The following DCDC2C variants were observed in gnomAD, a reference collection of about 807,000 sequenced individuals.
The protein encoded by DCDC2C is doublecortin domain-containing protein 2C.
DCDC2C carries 44 observed loss-of-function variants against 45.0 expected under a neutral mutation model. The observed-to-expected ratio is 0.98, with a 90% CI of 0.77 to 1.26. DCDC2C has a LOEUF of 1.26. DCDC2C is among the 50% of genes most tolerant of loss of function. DCDC2C has a pLI of 0.00. For missense variants in DCDC2C, 447 were observed against 468.9 expected, an observed-to-expected ratio of 0.95 and a Z score of 0.43; for synonymous variants, 187 against 178.8, an observed-to-expected ratio of 1.05 and a Z score of -0.37.
At chr2:3,776,093 C>T (rs1283631908) in intron 8 of DCDC2C, among the ~76,000 whole-genome samples, 10 of 152,346 alleles carry the variant, frequency 6.6e-5, no homozygotes, top group Middle Eastern at 3.4e-3. Flanking sequence ...CATATATCCC[C>T]TCCTTCCAGA....
At chr2:3,747,208 C>T (rs1669396232) in intron 4 of DCDC2C, among the ~76,000 whole-genome samples, 1 of 152,232 alleles carries the variant, frequency 6.6e-6, no homozygotes, top group Non-Finnish European at 1.5e-5. Context: ...GGCCCCGGCC[C>T]CTCTGAGGCA....
chr2:3,738,115 G>T (rs968677160), intron 3 of DCDC2C, among the ~76,000 whole-genome samples: 37 of 152,090 alleles, frequency 2.4e-4, no homozygotes, highest in African/African-American at 8.5e-4. Context: ...CTGCTAATTT[G>T]TTAGAAAAAT....
At chr2:3,803,896 G>A (rs992673562) in intron 10 of DCDC2C, among the ~76,000 whole-genome samples, 4 of 152,208 alleles carry the variant, frequency 2.6e-5, no homozygotes, top group African/African-American at 9.7e-5. Context: ...TTGCATGCAG[G>A]TGACTCTTCC....
intron 10 of DCDC2C, among the ~76,000 whole-genome samples, chr2:3,837,613 A>G (rs1360162768): frequency 2.0e-5 from 2 of 101,892 alleles, no homozygotes; most frequent in African/African-American, 6.5e-5. Flanking sequence ...AAAGGGGAAG[A>G]AACTGAGGAA....
intron 8 of DCDC2C, among the ~76,000 whole-genome samples, chr2:3,774,374 G>A (rs924819155): frequency 1.3e-5 from 2 of 152,256 alleles, no homozygotes; most frequent in Non-Finnish European, 2.9e-5. Context: ...AAGGACTCGA[G>A]CCTTCCGTGT....
intron 2 of DCDC2C, among the ~76,000 whole-genome samples, chr2:3,714,221 A>G (rs1433456446): frequency 1.3e-5 from 2 of 152,244 alleles, no homozygotes; most frequent in Non-Finnish European, 2.9e-5. Context: ...ATATTGTAAT[A>G]GAAATGATTT....
At chr2:3,833,280 C>T (rs1486093858) in intron 10 of DCDC2C, among the ~76,000 whole-genome samples, 1 of 152,190 alleles carries the variant, frequency 6.6e-6, no homozygotes, top group East Asian at 1.9e-4. Context: ...ACCTGATTCC[C>T]CTTTGCCATG....
At chr2:3,714,468 A>C (rs1443907343) in intron 2 of DCDC2C, among the ~76,000 whole-genome samples, 1 of 149,244 alleles carries the variant, frequency 6.7e-6, no homozygotes, top group East Asian at 2.0e-4. Flanking sequence ...TTTGCTAGGA[A>C]CAGATGAATC....
At chr2:3,828,871 G>A (rs892193411) in intron 10 of DCDC2C, among the ~76,000 whole-genome samples, 1 of 152,202 alleles carries the variant, frequency 6.6e-6, no homozygotes. Context: ...AGTCCTTGAA[G>A]TTTAATTCAA....
chr2:3,707,973 A>G (rs375970810), intron 1 of DCDC2C, among the ~76,000 whole-genome samples: 1 of 152,208 alleles, frequency 6.6e-6, no homozygotes, highest in Non-Finnish European at 1.5e-5. Context: ...ACCCATGAAA[A>G]CATTTTATTT....
Position 3,703,607 on chromosome 2 carries a change from CGTCCCCGTCCCGTCCCCGTCCT to C in DCDC2C, c.-143_-122del. 1.3e-6 allele frequency: 1 copy of C among 785,574 alleles called. No homozygotes were observed. The highest frequency in any genetic ancestry group is 1.7e-6 in the Non-Finnish European group (1 of 594,158). 48.7% of individuals were successfully genotyped at this position (785,574 alleles called of 1,614,324 possible). A position where few individuals can be genotyped will look rare whatever the true frequency, so the allele number is the denominator to read the frequency against. On this transcript the variant is annotated 5_prime_UTR_variant, in exon 1 of 11. Transcript: ENST00000399143. The surrounding 1 kb of genome is among the most constrained non-coding windows in gnomAD (Gnocchi z 4.4). Reference sequence around the variant, plus strand: ...TCCCGTCCCCGTCCAGCCCCCGTCCCGTCCCCGTCCCGTCCCCGTCCTGCGCCAGCGGCTGGAGCGGACCTCC... The same window carrying C: ...TCCCGTCCCCGTCCAGCCCCCGTCCCGCGCCAGCGGCTGGAGCGGACCTCC...
chr2:3,771,247 G>A (rs1016538333), intron 8 of DCDC2C, among the ~76,000 whole-genome samples: 4 of 152,218 alleles, frequency 2.6e-5, no homozygotes, highest in African/African-American at 9.6e-5. Context: ...CACCTGGGGA[G>A]GACGTTGCCT....
chr2:3,794,210 T>C (rs558077135), intron 10 of DCDC2C, among the ~76,000 whole-genome samples: 9 of 152,362 alleles, frequency 5.9e-5, no homozygotes, highest in Admixed American at 2.0e-4. Context: ...CAATGAGTTA[T>C]GCAAATGTAT....
intron 6 of DCDC2C, among the ~76,000 whole-genome samples, chr2:3,755,835 T>C (rs1421391862): frequency 6.6e-6 from 1 of 151,920 alleles, no homozygotes; most frequent in Non-Finnish European, 1.5e-5. Context: ...TGAGTACATA[T>C]GTGTATGTAT....
chr2:3,709,125 C>T (rs1668141564), intron 2 of DCDC2C, among the ~76,000 whole-genome samples: 1 of 152,098 alleles, frequency 6.6e-6, no homozygotes, highest in Non-Finnish European at 1.5e-5. Flanking sequence ...GCAATAAAAA[C>T]CACAGTTTTA....
chr2:3,726,333 C>A (rs939689944), intron 2 of DCDC2C, among the ~76,000 whole-genome samples: 1 of 152,156 alleles, frequency 6.6e-6, no homozygotes, highest in East Asian at 1.9e-4. Flanking sequence ...AATCAGAGCT[C>A]CCCCCATTTG....
intron 2 of DCDC2C, among the ~76,000 whole-genome samples, chr2:3,716,868 G>C (rs151013661): frequency 6.6e-6 from 1 of 152,120 alleles, no homozygotes; most frequent in Non-Finnish European, 1.5e-5. Context: ...GTGTGTATCA[G>C]GGATTCGTTC....
In DCDC2C at chr2:3,755,390, AATGCACATATGTATGT is replaced by A. The variant is rs531356608; in HGVS notation, c.726+759_726+774del. ...GTGTATGGGTGCATGTGTATGTATG[AATGCACATATGTATGT>A]ATTTAAATACATGTGTGTATGGAGG... On this transcript the variant is annotated intron_variant, in intron 6 of 10. Transcript: ENST00000399143. 5.6e-3 allele frequency among the ~76,000 whole-genome samples: 836 copies of A among 150,018 alleles called. 7 individuals are homozygous for A. The highest frequency in any genetic ancestry group is 0.02 in the African/African-American group (806 of 40,674).
intron 2 of DCDC2C, among the ~76,000 whole-genome samples, chr2:3,716,566 A>T (rs79388923): frequency 6.6e-6 from 1 of 152,184 alleles, no homozygotes; most frequent in Non-Finnish European, 1.5e-5. Context: ...AGAGAAATGT[A>T]GAGGTAACTG....
Sources: gnomAD v4.1 joint callset for allele counts (sites outside exome capture counted in the v4.1 genomes callset) on GRCh38, gnomAD v4.1.1 for gene constraint, Gnocchi (gnomAD v3.1) non-coding constraint, MANE v1.5 for transcripts, NCBI Gene and HGNC (gene_info 2026-07-23, HGNC 2026-07-21) for gene names.